Variants in PPP1R12B observed in about 807,000 individuals in gnomAD.
PPP1R12B encodes the protein protein phosphatase 1 regulatory subunit 12B.
Under a neutral mutation model 126.1 loss-of-function variants are expected in PPP1R12B, and 76 were observed. That is an observed-to-expected ratio of 0.60 (90% confidence interval 0.50 to 0.73). The LOEUF (loss-of-function observed/expected upper bound fraction) is 0.73. Ranked by LOEUF, PPP1R12B falls within the 30% of genes least tolerant of loss-of-function variation. The probability of loss-of-function intolerance (pLI) is 0.00; values close to 1 mark genes in which losing one functional copy is unlikely to be tolerated. For missense variants in PPP1R12B, 1,052 were observed against 1,205.1 expected (o/e 0.87, Z 1.88); for synonymous variants, 356 against 434.7 (o/e 0.82, Z 2.25).
At chr1:202,561,385 C>CT (rs201561914) in intron 19 of PPP1R12B, among the ~76,000 whole-genome samples, 16,970 of 138,410 alleles carry the variant, frequency 0.12, 1,176 homozygotes, top group Middle Eastern at 0.18. Context: ...AGACTGCAGT[C>CT]TTTTTTTTTT....
At chr1:202,532,705 T>C (rs1452194261) in intron 18 of PPP1R12B, among the ~76,000 whole-genome samples, 1 of 152,006 alleles carries the variant, frequency 6.6e-6, no homozygotes, top group Non-Finnish European at 1.5e-5. Context: ...CTTTCAAAGT[T>C]GTCAGGAATT....
At chr1:202,540,800 A>G (rs1685045358) in intron 18 of PPP1R12B, among the ~76,000 whole-genome samples, 1 of 152,214 alleles carries the variant, frequency 6.6e-6, no homozygotes, top group African/African-American at 2.4e-5. Context: ...AGTTATGGCC[A>G]CTTGGAACCT....
At chr1:202,474,091 T>C in intron 13 of PPP1R12B, 3 of 454,864 alleles carry the variant, frequency 6.6e-6, no homozygotes, top group South Asian at 4.8e-5. Context: ...GCTGTATCTG[T>C]GGGCTTGTTC....
chr1:202,548,285 A>G (rs1411736998), intron 18 of PPP1R12B, among the ~76,000 whole-genome samples: 1 of 152,226 alleles, frequency 6.6e-6, no homozygotes, highest in Non-Finnish European at 1.5e-5. Context: ...AACAAAAGCT[A>G]TATTAAGGAA....
At chr1:202,400,355 A>G (rs1398232273) in intron 1 of PPP1R12B, among the ~76,000 whole-genome samples, 2 of 152,336 alleles carry the variant, frequency 1.3e-5, no homozygotes, top group African/African-American at 4.8e-5. Context: ...GACTCTGCAT[A>G]CAAGGAGTCT....
chr1:202,355,998 T>C (rs1365685236), intron 1 of PPP1R12B, among the ~76,000 whole-genome samples: 3 of 151,812 alleles, frequency 2.0e-5, no homozygotes, highest in Non-Finnish European at 4.4e-5. Context: ...GGTGAGACCC[T>C]ATCTCTCCAA....
intron 23 of PPP1R12B, among the ~76,000 whole-genome samples, chr1:202,570,480 C>G (rs910225514): frequency 3.9e-5 from 6 of 152,134 alleles, no homozygotes; most frequent in African/African-American, 7.2e-5. Flanking sequence ...GAATTTTAAG[C>G]AATACCTGCT....
intron 13 of PPP1R12B, among the ~76,000 whole-genome samples, chr1:202,451,492 G>A (rs918318309): frequency 1.3e-5 from 2 of 149,218 alleles, no homozygotes; most frequent in East Asian, 2.0e-4. Context: ...TGGGGGTAAG[G>A]TCATAGATCA....
chr1:202,421,232 A>G (rs1668714875), intron 2 of PPP1R12B, among the ~76,000 whole-genome samples: 1 of 150,642 alleles, frequency 6.6e-6, no homozygotes, highest in South Asian at 2.1e-4. Flanking sequence ...TATAGGGGTG[A>G]GCCACTGCGT....
At chr1:202,402,299 A>G (rs1665961279) in intron 1 of PPP1R12B, among the ~76,000 whole-genome samples, 1 of 152,232 alleles carries the variant, frequency 6.6e-6, no homozygotes, top group African/African-American at 2.4e-5. Flanking sequence ...TTACCTTGGT[A>G]CTACCAGTAA....
In PPP1R12B at chr1:202,381,513, C is replaced by T. The variant is rs184306933; in HGVS notation, c.291+32371C>T. Among the ~76,000 whole-genome samples, 304 of 151,518 alleles carry T rather than the reference C, an allele frequency of 2.0e-3. 1 individual carries two copies. The highest frequency in any genetic ancestry group is 7.0e-3 in the African/African-American group (288 of 41,282). On this transcript the variant is annotated intron_variant, in intron 1 of 23. Transcript: ENST00000608999. ...AGTCCTTTCTAGACAGGTAACTGCT[C>T]ATCCTGGCTTTCAATTATGACATAG...
chr1:202,520,009 A>G (rs1429776913), intron 18 of PPP1R12B, among the ~76,000 whole-genome samples: 1 of 152,198 alleles, frequency 6.6e-6, no homozygotes, highest in African/African-American at 2.4e-5. Flanking sequence ...AAACAAAAAT[A>G]TGCATCTGGT....
chr1:202,492,928 C>T lies in PPP1R12B; in HGVS notation c.1942-186C>T, dbSNP rs534665102. ...TTTAAAATGTACCTAGACTCAGGCC[C>T]GGGTTCTTTGTACACTGAGATGCTT... On this transcript the variant is annotated intron_variant, in intron 14 of 23. Coordinates refer to ENST00000608999, the MANE Select transcript of PPP1R12B (RefSeq NM_002481.4). Among the ~76,000 whole-genome samples, 201 of 152,170 alleles carry T rather than the reference C, an allele frequency of 1.3e-3. 1 individual carries two copies. Among genetic ancestry groups the T allele is most frequent in the Non-Finnish European group, 2.3e-3 (157 of 68,010 alleles).
At position 202,348,759 on chromosome 1, in the gene PPP1R12B, C is replaced by G; in HGVS notation, c.-93C>G. The G allele has an allele frequency of 4.8e-6, 7 of 1,457,542 alleles. No homozygotes were observed. Among genetic ancestry groups the G allele is most frequent in the Non-Finnish European group, 6.4e-6 (7 of 1,096,212 alleles). The allele number at this position is 1,457,542 out of a possible 1,614,324, so 90.3% of individuals were successfully genotyped here. A position where few individuals can be genotyped will look rare whatever the true frequency, so the allele number is the denominator to read the frequency against. On this transcript the variant is annotated 5_prime_UTR_variant, in exon 1 of 24. Transcript: ENST00000608999. The stretch of plus-strand genomic sequence containing the variant: ...GAGGGTCTCCGCCCTCTGCTCCGGG[C>G]TGAAGCGCTCTGAGAGAGGCGGCAG...
chr1:202,439,277 G>T, intron 10 of PPP1R12B: 1 of 1,419,264 alleles, frequency 7.0e-7, no homozygotes. Flanking sequence ...GCAAGATACT[G>T]GCCCAGCAGG....
intron 18 of PPP1R12B, among the ~76,000 whole-genome samples, chr1:202,513,864 A>T (rs1191641169): frequency 6.6e-6 from 1 of 152,176 alleles, no homozygotes; most frequent in Admixed American, 6.5e-5. Flanking sequence ...CCACTGTTTG[A>T]GATGGCAGAA....
chr1:202,354,270 C>T lies in PPP1R12B; in HGVS notation c.291+5128C>T, dbSNP rs78032879. On this transcript the variant is annotated intron_variant, in intron 1 of 23. Coordinates refer to ENST00000608999, the MANE Select transcript of PPP1R12B (RefSeq NM_002481.4). ...TTGTGCTCCTTGGTAGACAGCTCCTCCCACCCTCAGCCCATGACAGTCATT... is the reference window on the plus strand; with the variant it reads ...TTGTGCTCCTTGGTAGACAGCTCCTTCCACCCTCAGCCCATGACAGTCATT... Among the ~76,000 whole-genome samples, 467 of 152,244 alleles carry T rather than the reference C, an allele frequency of 3.1e-3. 2 individuals carry two copies. The highest frequency in any genetic ancestry group is 5.6e-3 in the Non-Finnish European group (382 of 68,014).
rs576796090 is a variant in PPP1R12B at position 202,441,349 on chromosome 1, G to A, written c.1541+561G>A. On this transcript the variant is annotated intron_variant, in intron 11 of 23. Transcript: ENST00000608999. ...TTAAAAATAATTTTCTTTAATAGAA[G>A]CAGGGTTTTGCTATGTTTCCCAGGA... 9.8e-4 allele frequency among the ~76,000 whole-genome samples: 149 copies of A among 152,182 alleles called. 2 individuals carry two copies. The highest frequency in any genetic ancestry group is 3.5e-3 in the African/African-American group (145 of 41,520).
At chr1:202,408,036 A>G (rs1666854617) in intron 1 of PPP1R12B, among the ~76,000 whole-genome samples, 1 of 152,220 alleles carries the variant, frequency 6.6e-6, no homozygotes, top group Non-Finnish European at 1.5e-5. Flanking sequence ...AAGGATGTGC[A>G]TAGGTTATAT....
Sources: gnomAD v4.1 joint callset for allele counts (sites outside exome capture counted in the v4.1 genomes callset) on GRCh38, gnomAD v4.1.1 for gene constraint, MANE v1.5 for transcripts, NCBI Gene and HGNC (gene_info 2026-07-23, HGNC 2026-07-21) for gene names.